Variants in PLXNB1 observed in about 807,000 individuals in gnomAD.
The protein encoded by PLXNB1 is plexin B1, also known as plexin-B1.
PLXNB1 carries 106 observed loss-of-function variants against 209.4 expected under a neutral mutation model. That is an observed-to-expected ratio of 0.51 (90% CI 0.43 to 0.59). The LOEUF is 0.59. Ranked by LOEUF, PLXNB1 falls within the 20% of genes least tolerant of loss-of-function variation. PLXNB1 has a pLI of 0.00. For missense variants in PLXNB1, 2,357 were observed against 2,853.2 expected, an observed-to-expected ratio of 0.83 and a Z score of 3.96; for synonymous variants, 1,167 against 1,183.2, an observed-to-expected ratio of 0.99 and a Z score of 0.28.
In PLXNB1 at chr3:48,409,856, C is replaced by T. The variant is rs1404750901; in HGVS notation, c.5778+49G>A. ...ACCACCCCCAAATCCCACGAGTGGC[C>T]ATGCTCCCTCTCAGCCCAGGCCCCA... On this transcript the variant is annotated intron_variant, in intron 32 of 37. Coordinates refer to ENST00000296440, the MANE Select transcript of PLXNB1 (RefSeq NM_001130082.3). The surrounding 1 kb of genome is among the most constrained non-coding windows in gnomAD (Gnocchi z 5.8). The T allele has an allele frequency of 3.8e-6, 6 of 1,586,334 alleles. No homozygotes were observed. The highest frequency in any genetic ancestry group is 1.7e-4 in the Middle Eastern group (1 of 5,888).
chr3:48,415,186 C>G lies in PLXNB1; in HGVS notation c.3956G>C (p.Ser1319Thr), dbSNP rs1339761410. Residue 1319 changes from serine to threonine, a missense_variant, in exon 20 of 38, where the codon AGT becomes ACT. Transcript: ENST00000296440. This position sits in a 1 kb window ranked among gnomAD's most constrained non-coding sequence, Gnocchi z 5.0. The part of the protein sequence containing the change: ...ETACSLGPSC[S>T]SQQFEEPCHV... ...CCAAGGGTGTCCTACTTGCTGGCTA[C>G]TGCAGGAGGGTCCAAGGGAACATGC... The G allele has an allele frequency of 6.2e-7, 1 of 1,612,656 alleles. No individual in the cohort carries two copies. Among genetic ancestry groups the G allele is most frequent in the African/African-American group, 1.3e-5 (1 of 75,020 alleles).
In PLXNB1 at chr3:48,406,445, C is replaced by A. The variant is rs1230977961; in HGVS notation, c.6228+378G>T. On this transcript the variant is annotated intron_variant, in intron 36 of 37. Coordinates refer to ENST00000296440, the MANE Select transcript of PLXNB1 (RefSeq NM_001130082.3). The surrounding 1 kb of genome is among the most constrained non-coding windows in gnomAD (Gnocchi z 4.4). The stretch of plus-strand genomic sequence containing the variant: ...ATTGTTCATAAACTCCCTGGAGTTA[C>A]ATTTTAGGGCGGTTTCAGGAATGGG... 3.6e-6 allele frequency: 1 copy of A among 274,264 alleles called. No homozygotes were observed. The highest frequency in any genetic ancestry group is 5.6e-6 in the Non-Finnish European group (1 of 180,028). 17.0% of individuals were successfully genotyped at this position (274,264 alleles called of 1,614,324 possible). A position where few individuals can be genotyped will look rare whatever the true frequency, so the allele number is the denominator to read the frequency against.
rs953712073 is a variant in PLXNB1 at position 48,410,044 on chromosome 3, C to G, written c.5639G>C (p.Gly1880Ala). The G allele has an allele frequency of 5.6e-6, 9 of 1,606,450 alleles. No individual in the cohort carries two copies. The highest frequency in any genetic ancestry group is 3.3e-5 in the South Asian group (3 of 90,454). The stretch of plus-strand genomic sequence containing the variant: ...CTTCACCAGGTGCCAGGGCCGGATG[C>G]CCCCCTCATCTACATCCTCCAGCAT... ...TPMLEDVDEG[G>A]IRPWHLVKPS... The change falls in exon 32 of 38, where the codon GGC becomes GCC. Residue 1880 changes from glycine (G) to alanine (A), a missense_variant. Around this residue, in one of 7 missense-constraint regions of PLXNB1, gnomAD observed 414 missense variants for 520.5 expected, o/e 0.80. Transcript: ENST00000296440. This position sits in a 1 kb window ranked among gnomAD's most constrained non-coding sequence, Gnocchi z 6.4.
At position 48,416,501 on chromosome 3, in the gene PLXNB1, T is replaced by A; in HGVS notation, c.3375-50A>T. On this transcript the variant is annotated intron_variant, in intron 16 of 37. Transcript: ENST00000296440. This position sits in a 1 kb window ranked among gnomAD's most constrained non-coding sequence, Gnocchi z 4.1. ...GGTGCCAGGCTGCATCAAGGGCCCC[T>A]CAAGCTTACCTGGCAGCCCCTCTCC... The A allele has an allele frequency of 7.6e-7, 1 of 1,321,640 alleles. No individual in the cohort carries two copies. The highest frequency in any genetic ancestry group is 1.1e-6 in the Non-Finnish European group (1 of 935,128). The allele number at this position is 1,321,640 out of a possible 1,614,324, so 81.9% of individuals were successfully genotyped here. A position where few individuals can be genotyped will look rare whatever the true frequency, so the allele number is the denominator to read the frequency against.
intron 27 of PLXNB1, 84 bp from the exon 28 acceptor site, chr3:48,412,093 C>A: frequency 6.5e-7 from 1 of 1,535,442 alleles, no homozygotes; most frequent in South Asian, 1.1e-5. Flanking sequence ...GGGGACAGGA[C>A]ATGGGCTTAA....
chr3:48,422,511 A>T lies in PLXNB1; in HGVS notation c.1291-52T>A, dbSNP rs750517020. 2.6e-6 allele frequency: 4 copies of T among 1,512,578 alleles called. No homozygotes were observed. In the Admixed American group the frequency reaches 8.9e-5, roughly 34 times the overall value. 93.7% of individuals were successfully genotyped at this position (1,512,578 alleles called of 1,614,324 possible). A position where few individuals can be genotyped will look rare whatever the true frequency, so the allele number is the denominator to read the frequency against. ...GACCCAAGTCCATGGCCAGAGGCCCAAAGCCCTCCCCTCCTCCACCCAATC... is the reference window on the plus strand; with the variant it reads ...GACCCAAGTCCATGGCCAGAGGCCCTAAGCCCTCCCCTCCTCCACCCAATC... On this transcript the variant is annotated intron_variant, in intron 4 of 37. Coordinates refer to ENST00000296440, the MANE Select transcript of PLXNB1 (RefSeq NM_001130082.3).
chr3:48,421,138 TG>T, intron 8 of PLXNB1, 89 bp downstream of exon 8: 1 of 1,479,570 alleles, frequency 6.8e-7, no homozygotes. Flanking sequence ...CATCCATTCA[TG>T]GCTCTTTGCC....
At position 48,422,854 on chromosome 3, in the gene PLXNB1, G is replaced by A; in HGVS notation, c.1201C>T (p.Pro401Ser). ...PLEATPILEW[P>S]GIQLTAVAVT... The stretch of plus-strand genomic sequence containing the variant: ...GCCACAGCTGTTAGCTGAATCCCTG[G>A]CCACTCCAGAATTGGTGTGGCTTCC... The change falls in exon 4 of 38, where the codon CCA becomes TCA. Residue 401 changes from proline to serine, a missense_variant. Physicochemically the swap from Pro to Ser is moderately conservative, Grantham distance 74. Around this residue, in one of 7 missense-constraint regions of PLXNB1, gnomAD observed 404 missense variants for 443.6 expected, o/e 0.91. Coordinates refer to ENST00000296440, the MANE Select transcript of PLXNB1 (RefSeq NM_001130082.3). The A allele has an allele frequency of 6.2e-7, 1 of 1,614,126 alleles. No individual in the cohort carries two copies. The highest frequency in any genetic ancestry group is 8.5e-7 in the Non-Finnish European group (1 of 1,179,988).
chr3:48,416,463 G>C lies in PLXNB1; in HGVS notation c.3375-12C>G, dbSNP rs753638847. On this transcript the variant is annotated splice_polypyrimidine_tract_variant and intron_variant, in intron 16 of 37. Transcript: ENST00000296440. The surrounding 1 kb of genome is among the most constrained non-coding windows in gnomAD (Gnocchi z 4.1). ...TGATGCACACGAGGCTGTAGGCACA[G>C]GGCAGGCTAGGGGGTGCCAGGCTGC... is the stretch of plus-strand genomic sequence containing the variant. 1 of 1,590,862 alleles carries C rather than the reference G, an allele frequency of 6.3e-7. No homozygotes were observed. The highest frequency in any genetic ancestry group is 8.6e-7 in the Non-Finnish European group (1 of 1,161,984).
At position 48,416,436 on chromosome 3, in the gene PLXNB1, G is replaced by C; in HGVS notation, c.3390C>G (p.Thr1130=). ...CGGCCACCTCCTCCCCACTGGCCCC[G>C]GTGATGCACACGAGGCTGTAGGCAC... ...YEVSSSLVCI[T]GASGEEVAGA... The change falls in exon 17 of 38, where the codon ACC becomes ACG. Residue 1130 remains threonine, a synonymous_variant. Transcript: ENST00000296440. This position sits in a 1 kb window ranked among gnomAD's most constrained non-coding sequence, Gnocchi z 4.1. 6.2e-7 allele frequency: 1 copy of C among 1,612,594 alleles called. No homozygotes were observed. The highest frequency in any genetic ancestry group is 8.5e-7 in the Non-Finnish European group (1 of 1,179,548).
chr3:48,424,818 G>A (rs1268429410), intron 2 of PLXNB1, among the ~76,000 whole-genome samples: 1 of 152,144 alleles, frequency 6.6e-6, no homozygotes, highest in Non-Finnish European at 1.5e-5. Flanking sequence ...TCAGAAATAG[G>A]AGACACTTCC....
In PLXNB1 at chr3:48,420,170, G is replaced by A. The variant is rs557153228; in HGVS notation, c.2116C>T (p.Pro706Ser). Residue 706 changes from proline to serine, a missense_variant, in exon 11 of 38, where the codon CCT (proline) becomes TCT (serine). Pro to Ser is a moderately conservative substitution (Grantham distance 74). This residue lies in a region of PLXNB1 where 410 missense variants were observed against 401.0 expected (regional missense o/e 1.02). Coordinates refer to ENST00000296440, the MANE Select transcript of PLXNB1 (RefSeq NM_001130082.3). ...TAPKALATPA[P>S]DTLPVEPGAP... ...CCAGGCTCCACGGGAAGGGTGTCAG[G>A]AGCAGGGGTGGCCAGGGCTTTGGGG... 3.2e-5 allele frequency: 51 copies of A among 1,583,602 alleles called. No individual in the cohort carries two copies. In the African/African-American group the frequency reaches 5.8e-4, roughly 18 times the overall value.
chr3:48,415,612 G>T lies in PLXNB1; in HGVS notation c.3765C>A (p.Thr1255=). The part of the protein sequence containing the change: ...QFKYTLDPNI[T]SAGPTKSFLS... ...GGAAGCTCTTGGTGGGGCCAGCAGA[G>T]GTGATGTTGGGGTCCAAGGTATACT... The change falls in exon 19 of 38, where the codon ACC becomes ACA. Residue 1255 remains threonine (T), a synonymous_variant. Coordinates refer to ENST00000296440, the MANE Select transcript of PLXNB1 (RefSeq NM_001130082.3). This position sits in a 1 kb window ranked among gnomAD's most constrained non-coding sequence, Gnocchi z 5.0. The T allele has an allele frequency of 6.3e-7, 1 of 1,584,488 alleles. No homozygotes were observed. The highest frequency in any genetic ancestry group is 8.6e-7 in the Non-Finnish European group (1 of 1,165,002).
At position 48,406,713 on chromosome 3, in the gene PLXNB1, A is replaced by T; in HGVS notation, c.6228+110T>A. 5.5e-6 allele frequency: 8 copies of T among 1,462,436 alleles called. No individual in the cohort carries two copies. The highest frequency in any genetic ancestry group is 7.2e-6 in the Non-Finnish European group (8 of 1,104,200). 90.6% of individuals were successfully genotyped at this position (1,462,436 alleles called of 1,614,324 possible). On this transcript the variant is annotated intron_variant, in intron 36 of 37. Transcript: ENST00000296440. This position sits in a 1 kb window ranked among gnomAD's most constrained non-coding sequence, Gnocchi z 4.4. ...ATGTTTCCTGCCCCAACCAGCTCAC[A>T]GGGCTGCTGAGGTTCCCAAGGGCTT...
chr3:48,412,636 A>C lies in PLXNB1; in HGVS notation c.4855-16T>G, dbSNP rs1488852770. On this transcript the variant is annotated splice_polypyrimidine_tract_variant and intron_variant, in intron 25 of 37. Coordinates refer to ENST00000296440, the MANE Select transcript of PLXNB1 (RefSeq NM_001130082.3). ...TGTGGATGAACTGCAGCCAAAGAGA[A>C]GGGATGGGAAAAGGGGTTTAGGGGG... The C allele has an allele frequency of 6.2e-7, 1 of 1,612,400 alleles. No individual in the cohort carries two copies. The highest frequency in any genetic ancestry group is 8.5e-7 in the Non-Finnish European group (1 of 1,179,280).
At chr3:48,420,515 C>T (rs1281362104) in intron 10 of PLXNB1, 150 bp downstream of exon 10, 4 of 683,270 alleles carry the variant, frequency 5.9e-6, no homozygotes, top group South Asian at 1.8e-5. Context: ...GATGTATCGG[C>T]GGCTGTTCTC....
chr3:48,425,016 A>G (rs905428144), intron 2 of PLXNB1, among the ~76,000 whole-genome samples: 14 of 152,150 alleles, frequency 9.2e-5, no homozygotes, highest in African/African-American at 3.4e-4. Flanking sequence ...CTCTACATGG[A>G]TGAGGGTTTC....
In PLXNB1 at chr3:48,421,363, G is replaced by C. The variant is rs1309208888; in HGVS notation, c.1675C>G (p.Leu559Val). 7.1e-6 allele frequency: 11 copies of C among 1,543,090 alleles called. No individual in the cohort carries two copies. The highest frequency in any genetic ancestry group is 1.7e-4 in the Middle Eastern group (1 of 5,756). ...GACTCCCCTGGCCACAGGGGTGGCAGGTCTGGCACTGATAGGAAAACCTGC... is the reference window on the plus strand; with the variant it reads ...GACTCCCCTGGCCACAGGGGTGGCACGTCTGGCACTGATAGGAAAACCTGC... Reference protein sequence around the residue: ...TREVFLSVPDLPPLWPGESYS... With the variant: ...TREVFLSVPDVPPLWPGESYS... The change falls in exon 8 of 38, where the codon CTG becomes GTG. Residue 559 changes from leucine to valine, a missense_variant. Transcript: ENST00000296440.
At position 48,420,158 on chromosome 3, in the gene PLXNB1, G is replaced by A; in HGVS notation, c.2128C>T (p.Pro710Ser). The change falls in exon 11 of 38, where the codon CCC becomes TCC. Residue 710 changes from proline (P) to serine (S), a missense_variant. Pro to Ser is a moderately conservative substitution (Grantham distance 74). Coordinates refer to ENST00000296440, the MANE Select transcript of PLXNB1 (RefSeq NM_001130082.3). ...GTGGAGGGAGCCCCAGGCTCCACGG[G>A]AAGGGTGTCAGGAGCAGGGGTGGCC... ...ALATPAPDTLPVEPGAPSTAT... is the reference protein window; with the variant it reads ...ALATPAPDTLSVEPGAPSTAT... The A allele has an allele frequency of 7.1e-7, 1 of 1,406,722 alleles. No homozygotes were observed. 87.1% of individuals were successfully genotyped at this position (1,406,722 alleles called of 1,614,324 possible). A position where few individuals can be genotyped will look rare whatever the true frequency, so the allele number is the denominator to read the frequency against.
Sources: allele counts gnomAD v4.1 joint callset (sites outside exome capture counted in the v4.1 genomes callset), GRCh38; gene constraint gnomAD v4.1.1; regional missense constraint gnomAD v4.1.1; non-coding constraint Gnocchi (gnomAD v3.1); transcripts MANE v1.5; gene names NCBI Gene and HGNC (gene_info 2026-07-23, HGNC 2026-07-21).